Variants in INTS1 observed in about 807,000 individuals in gnomAD.
INTS1 encodes the protein integrator complex subunit 1.
Under a neutral mutation model 241.6 loss-of-function variants are expected in INTS1, and 137 were observed. The observed-to-expected ratio is 0.57, with a 90% CI of 0.49 to 0.65. The LOEUF (loss-of-function observed/expected upper bound fraction) is 0.65, where lower values mean the gene tolerates loss of function less well. Among genes scored for constraint, INTS1 ranks in the 30% least tolerant of loss-of-function variants. The pLI, the probability that INTS1 is intolerant of heterozygous loss-of-function variation, is 0.00. For missense variants in INTS1, 3,073 were observed against 3,032.2 expected, an observed-to-expected ratio of 1.01 and a Z score of -0.32; for synonymous variants, 1,692 against 1,337.8, an observed-to-expected ratio of 1.26 and a Z score of -5.78.
Position 1,498,786 on chromosome 7 carries a change from C to T in INTS1, c.1204G>A (p.Asp402Asn). Residue 402 changes from aspartate to asparagine, a missense_variant, in exon 9 of 48, where the codon GAC (aspartate) becomes AAC (asparagine). Coordinates refer to ENST00000404767, the MANE Select transcript of INTS1 (RefSeq NM_001080453.3). Reference sequence around the variant, plus strand: ...ATCAGGTGTGAGATGACGTCCATGTCTTCGGAACCGTGCGTGTTGCAGTTC... The same window carrying T: ...ATCAGGTGTGAGATGACGTCCATGTTTTCGGAACCGTGCGTGTTGCAGTTC... ...CMNCNTHGSE[D>N]MDVISHLIKI... 1 of 1,597,630 alleles carries T rather than the reference C, an allele frequency of 6.3e-7. No homozygotes were observed. Among genetic ancestry groups the T allele is most frequent in the Non-Finnish European group, 8.5e-7 (1 of 1,172,484 alleles).
At chr7:1,476,731 T>C (rs1015195813) in intron 36 of INTS1, 63 bp downstream of exon 36, 64 of 1,611,978 alleles carry the variant, frequency 4.0e-5, no homozygotes, top group Non-Finnish European at 5.3e-5. Context: ...GAGCCGGCGC[T>C]GGGAGATTTC....
At chr7:1,484,843 C>G (rs1196413655) in intron 24 of INTS1, among the ~76,000 whole-genome samples, 1 of 152,148 alleles carries the variant, frequency 6.6e-6, no homozygotes, top group African/African-American at 2.4e-5. Context: ...GCCGTGACGG[C>G]CCTCCCACCC....
chr7:1,493,411 G>C lies in INTS1; in HGVS notation c.2069-305C>G, dbSNP rs751077091. ...CCGCAAGCCCTCGGGGCAGAGCCAC[G>C]GACGAGGCGCGAGCTGGATTTACAA... is the stretch of plus-strand genomic sequence containing the variant. On this transcript the variant is annotated intron_variant, in intron 15 of 47. Coordinates refer to ENST00000404767, the MANE Select transcript of INTS1 (RefSeq NM_001080453.3). The surrounding 1 kb of genome is among the most constrained non-coding windows in gnomAD (Gnocchi z 5.3). Among the ~76,000 whole-genome samples, 2 of 152,162 alleles carry C rather than the reference G, an allele frequency of 1.3e-5. No homozygotes were observed. Among genetic ancestry groups the C allele is most frequent in the African/African-American group, 2.4e-5 (1 of 41,432 alleles).
intron 33 of INTS1, 60 bp downstream of exon 33, chr7:1,478,306 C>T (rs1431812179): frequency 4.4e-6 from 7 of 1,580,934 alleles, no homozygotes; most frequent in Non-Finnish European, 6.1e-6. Context: ...CTAGAAGGAG[C>T]CTCAGGTTTG....
At position 1,487,462 on chromosome 7, in the gene INTS1, G is replaced by T. The variant is rs778141753; in HGVS notation, c.2517-13C>A. 1 of 1,609,194 alleles carries T rather than the reference G, an allele frequency of 6.2e-7. No individual in the cohort carries two copies. Among genetic ancestry groups the T allele is most frequent in the Non-Finnish European group, 8.5e-7 (1 of 1,178,720 alleles). On this transcript the variant is annotated splice_polypyrimidine_tract_variant and intron_variant, in intron 19 of 47. Transcript: ENST00000404767. The stretch of plus-strand genomic sequence containing the variant: ...CCGGGGGGGCCCCCTGAGGGCCACA[G>T]GGGACACGGTGCGTCAGCACGCCCT...
Position 1,471,136 on chromosome 7 carries a change from G to GAGC in INTS1, c.6343_6344insGCT (p.Pro2115delinsArgSer), listed in dbSNP as rs1348012006. ...CAGAGGCCGGCGGTGGCCTCACCTG[G>GAGC]GGCTGTTCTGCATGGAGCGCAGGGC... On this transcript the variant is annotated protein_altering_variant, in exon 46 of 48. Transcript: ENST00000404767. The GAGC allele has an allele frequency of 6.4e-7, 1 of 1,568,452 alleles. No individual in the cohort carries two copies. The highest frequency in any genetic ancestry group is 8.6e-7 in the Non-Finnish European group (1 of 1,157,936).
In INTS1 at chr7:1,481,513, G is replaced by A. The variant is rs376481189; in HGVS notation, c.3704-25C>T. On this transcript the variant is annotated intron_variant, in intron 27 of 47. Transcript: ENST00000404767. This position sits in a 1 kb window ranked among gnomAD's most constrained non-coding sequence, Gnocchi z 6.8. ...GCTGAGGGTGCACGCGCTCCGTAAC[G>A]CCACCCAAAACCCGGGCAATGCGCA... The A allele has an allele frequency of 2.7e-5, 43 of 1,586,656 alleles. No homozygotes were observed. Among genetic ancestry groups the A allele is most frequent in the Middle Eastern group, 1.7e-4 (1 of 5,996 alleles).
intron 27 of INTS1, 70 bp downstream of exon 27, chr7:1,482,476 A>G: frequency 1.3e-6 from 2 of 1,483,266 alleles, no homozygotes; most frequent in East Asian, 2.3e-5. Flanking sequence ...GCCCAGGCCC[A>G]CAAGGAGCAG....
At chr7:1,479,717 C>A (rs1036660202) in intron 30 of INTS1, 33 bp from the exon 31 acceptor site, 4 of 1,444,826 alleles carry the variant, frequency 2.8e-6, no homozygotes, top group South Asian at 1.5e-5. Context: ...CAGGAGGAAG[C>A]GGAGGAGAAG....
intron 31 of INTS1, 94 bp downstream of exon 31, chr7:1,479,336 C>T: frequency 2.2e-6 from 3 of 1,395,304 alleles, no homozygotes; most frequent in Non-Finnish European, 2.9e-6. Flanking sequence ...GACCCAAGAC[C>T]CACAGAGGAG....
chr7:1,471,426 C>T (rs966803099), intron 45 of INTS1, 145 bp downstream of exon 45: 4 of 1,029,604 alleles, frequency 3.9e-6, no homozygotes, highest in Non-Finnish European at 4.3e-6. Context: ...ACTGTGAACA[C>T]CTGGGCTGGG....
At position 1,479,465 on chromosome 7, in the gene INTS1, C is replaced by A. The variant is rs1297976111; in HGVS notation, c.4294G>T (p.Ala1432Ser). The stretch of plus-strand genomic sequence containing the variant: ...CAGAGCTGGCGCAGCAGCGGGCAGG[C>A]CAGGAAGTGGCTACGGTGCATGGAC... ...VMSMHRSHFL[A>S]CPLLRQLCQY... Residue 1432 changes from alanine (A) to serine (S), a missense_variant, in exon 31 of 48, where the codon GCC becomes TCC. Ala to Ser is a moderately conservative substitution (Grantham distance 99). Coordinates refer to ENST00000404767, the MANE Select transcript of INTS1 (RefSeq NM_001080453.3). 1.9e-6 allele frequency: 3 copies of A among 1,579,188 alleles called. No individual in the cohort carries two copies. Among genetic ancestry groups the A allele is most frequent in the South Asian group, 2.3e-5 (2 of 85,900 alleles).
In INTS1 at chr7:1,504,331, C is replaced by G; in HGVS notation, c.-50G>C. 1 of 524,406 alleles carries G rather than the reference C, an allele frequency of 1.9e-6. No homozygotes were observed. Among genetic ancestry groups the G allele is most frequent in the Non-Finnish European group, 3.6e-6 (1 of 274,560 alleles). The allele number at this position is 524,406 out of a possible 1,614,324, so 32.5% of individuals were successfully genotyped here. A position where few individuals can be genotyped will look rare whatever the true frequency, so the allele number is the denominator to read the frequency against. ...GGCCGCGGCTCACTTACCTCTGGCC[C>G]ATCGCGACCGGAGCGCCGCCGCCGC... is the stretch of plus-strand genomic sequence containing the variant. On this transcript the variant is annotated 5_prime_UTR_variant, in exon 1 of 48. An upstream start codon of the reference 5' UTR is lost. Transcript: ENST00000404767.
intron 20 of INTS1, 32 bp from the exon 21 acceptor site, chr7:1,487,133 C>T: frequency 6.5e-7 from 1 of 1,534,640 alleles, no homozygotes; most frequent in Non-Finnish European, 8.8e-7. Context: ...CCGCTCAGCA[C>T]CTTCCAGGCC....
intron 16 of INTS1, 84 bp from the exon 17 acceptor site, chr7:1,489,766 G>A (rs1782459336): frequency 1.0e-6 from 1 of 982,662 alleles, no homozygotes; most frequent in Non-Finnish European, 1.5e-6. Flanking sequence ...CAAAGCTGGG[G>A]CAGGGACGGT....
chr7:1,473,982 C>T (rs995820681), intron 41 of INTS1, among the ~76,000 whole-genome samples, 186 bp downstream of exon 41: 2 of 152,216 alleles, frequency 1.3e-5, no homozygotes, highest in African/African-American at 2.4e-5. Flanking sequence ...GACGTGGGCC[C>T]CCCAGGCACG....
intron 35 of INTS1, 126 bp downstream of exon 35, chr7:1,477,424 G>T: frequency 9.0e-7 from 1 of 1,116,820 alleles, no homozygotes; most frequent in Non-Finnish European, 1.2e-6. Context: ...AGGGACACAT[G>T]GCCTGAGAGC....
At chr7:1,476,126 G>T in intron 38 of INTS1, 55 bp from the exon 39 acceptor site, 1 of 1,527,178 alleles carries the variant, frequency 6.5e-7, no homozygotes. Context: ...TGACAGGGGT[G>T]GGTGGACGGG....
At chr7:1,487,650 C>T in intron 19 of INTS1, 110 bp downstream of exon 19, 2 of 1,400,956 alleles carry the variant, frequency 1.4e-6, no homozygotes, top group Non-Finnish European at 2.0e-6. Context: ...CTTTCAGGTT[C>T]TGCCGCAGTG....
Sources: gnomAD v4.1 joint callset for allele counts (sites outside exome capture counted in the v4.1 genomes callset) on GRCh38, gnomAD v4.1.1 for gene constraint, Gnocchi (gnomAD v3.1) non-coding constraint, MANE v1.5 for transcripts, NCBI Gene and HGNC (gene_info 2026-07-23, HGNC 2026-07-21) for gene names.